The following MTM1 variants were observed in gnomAD, a reference collection of about 807,000 sequenced individuals.
The protein encoded by MTM1 is myotubularin.
In MTM1, 9 loss-of-function variants were observed where a neutral mutation model predicts 52.1. That is an observed-to-expected ratio of 0.17 (90% CI 0.10 to 0.30). The LOEUF (loss-of-function observed/expected upper bound fraction) is 0.30. Ranked by LOEUF, MTM1 falls within the 10% of genes least tolerant of loss-of-function variation. MTM1 has a pLI of 1.00. For synonymous variants in MTM1, 136 were observed against 163.8 expected (o/e 0.83, Z 1.29); for missense variants, 277 against 470.7 (o/e 0.59, Z 3.81).
intron 6 of MTM1, among the ~76,000 whole-genome samples, chrX:150,632,414 G>A (rs1206870680): frequency 8.9e-6 from 1 of 111,803 alleles, no homozygotes; most frequent in African/African-American, 3.3e-5. Context: ...GAGGAGGCTG[G>A]GTCAAAGATT....
intron 1 of MTM1, among the ~76,000 whole-genome samples, chrX:150,575,906 T>G (rs1331782016): frequency 9.0e-6 from 1 of 111,143 alleles, no homozygotes; most frequent in Non-Finnish European, 1.9e-5. Context: ...CAAACTCCTG[T>G]CCTCAAGCAA....
chrX:150,662,214 A>G (rs1284830464), intron 13 of MTM1, among the ~76,000 whole-genome samples: 1 of 112,515 alleles, frequency 8.9e-6, no homozygotes, highest in Admixed American at 9.4e-5. Flanking sequence ...ACAATGTGGT[A>G]TATAGATTTT....
intron 5 of MTM1, 29 bp from the exon 6 acceptor site, chrX:150,619,009 G>A (rs1557413206): frequency 1.9e-6 from 2 of 1,049,166 alleles, no homozygotes; most frequent in Non-Finnish European, 2.7e-6. Context: ...TTTGAAGACT[G>A]AACTGTCATA....
intron 6 of MTM1, among the ~76,000 whole-genome samples, chrX:150,624,361 A>AT (rs1325608050): frequency 2.3e-4 from 26 of 112,374 alleles, no homozygotes; most frequent in African/African-American, 8.4e-4. Context: ...TAAATGATAT[A>AT]TTTTAATAAA....
rs1257242383 is a variant in MTM1 at position 150,583,944 on chromosome X, T to C, written c.-10-8661T>C. ...AATATATATTAAATTAAAATATATATATTAAATATATGTTAAATATATAAA... is the reference window on the plus strand; with the variant it reads ...AATATATATTAAATTAAAATATATACATTAAATATATGTTAAATATATAAA... On this transcript the variant is annotated intron_variant, in intron 1 of 14. Transcript: ENST00000370396. Among the ~76,000 whole-genome samples the C allele has an allele frequency of 8.6e-5, 4 of 46,305 alleles. 1 individual carries two copies. Among genetic ancestry groups the C allele is most frequent in the African/African-American group, 2.5e-4 (4 of 15,939 alleles). The allele number at this position is 46,305 out of a possible 115,157, so 40.2% of individuals were successfully genotyped here. A position where few individuals can be genotyped will look rare whatever the true frequency, so the allele number is the denominator to read the frequency against.
At chrX:150,597,289 A>G (rs1398343325) in intron 3 of MTM1, among the ~76,000 whole-genome samples, 2 of 111,915 alleles carry the variant, frequency 1.8e-5, no homozygotes, top group Non-Finnish European at 3.8e-5. Flanking sequence ...AAATGGCTAA[A>G]ACCTCGTGCT....
chrX:150,658,324 A>G (rs1051414774), intron 11 of MTM1, among the ~76,000 whole-genome samples: 2 of 112,253 alleles, frequency 1.8e-5, no homozygotes, highest in Admixed American at 9.4e-5. Flanking sequence ...TAATATAGCT[A>G]TTAGAGTCAA....
chrX:150,652,636 CGTGT>C (rs781866918), intron 10 of MTM1, among the ~76,000 whole-genome samples: 20 of 75,886 alleles, frequency 2.6e-4, no homozygotes, highest in Non-Finnish European at 5.1e-4. Flanking sequence ...CATATATATA[CGTGT>C]GTGTGTGTAT....
Position 150,599,758 on chromosome X carries a change from T to A in MTM1, c.231+1072T>A, listed in dbSNP as rs1282752563. Among the ~76,000 whole-genome samples the A allele has an allele frequency of 2.7e-5, 3 of 111,793 alleles. No individual in the cohort carries two copies. The East Asian group carries it at 8.4e-4, about 31-fold the overall frequency. ...CTCTGGCACAGTGCTTGTAGGGACATGTACATGGATCAGGCCACAGGGCAT... is the reference window on the plus strand; with the variant it reads ...CTCTGGCACAGTGCTTGTAGGGACAAGTACATGGATCAGGCCACAGGGCAT... On this transcript the variant is annotated intron_variant, in intron 4 of 14. Coordinates refer to ENST00000370396, the MANE Select transcript of MTM1 (RefSeq NM_000252.3).
chrX:150,639,161 A>G (rs1557413792), intron 7 of MTM1, 135 bp downstream of exon 7: 34 of 572,395 alleles, frequency 5.9e-5, no homozygotes, highest in Non-Finnish European at 4.3e-5. Flanking sequence ...GATATTATCC[A>G]CATTTTGTAC....
chrX:150,615,502 A>G (rs1329786188), intron 5 of MTM1, among the ~76,000 whole-genome samples: 1 of 103,971 alleles, frequency 9.6e-6, no homozygotes, highest in Non-Finnish European at 2.0e-5. Flanking sequence ...AAAAAAAAAC[A>G]GTCTTAATTT....
chrX:150,610,542 T>G (rs1557412958), intron 4 of MTM1, among the ~76,000 whole-genome samples: 1 of 112,673 alleles, frequency 8.9e-6, no homozygotes, highest in Non-Finnish European at 1.9e-5. Context: ...TTGAAAATCC[T>G]TAAATATTTA....
At position 150,672,921 on chromosome X, in the gene MTM1, T is replaced by A. The variant is rs2040416184; in HGVS notation, c.*1326T>A. On this transcript the variant is annotated 3_prime_UTR_variant, in exon 15 of 15. Transcript: ENST00000370396. Reference sequence around the variant, plus strand: ...GGTCTACCAAGTAAGACATCTCAAATACAGTAGTATAATGTATGAATTTTG... The same window carrying A: ...GGTCTACCAAGTAAGACATCTCAAAAACAGTAGTATAATGTATGAATTTTG... The A allele has an allele frequency of 8.9e-6, 1 of 112,529 alleles. No individual in the cohort carries two copies. Among genetic ancestry groups the A allele is most frequent in the African/African-American group, 3.2e-5 (1 of 30,972 alleles). 9.3% of individuals were successfully genotyped at this position (112,529 alleles called of 1,213,427 possible). A position where few individuals can be genotyped will look rare whatever the true frequency, so the allele number is the denominator to read the frequency against.
chrX:150,580,431 A>G (rs1373875316), intron 1 of MTM1, among the ~76,000 whole-genome samples: 1 of 111,582 alleles, frequency 9.0e-6, no homozygotes, highest in Non-Finnish European at 1.9e-5. Flanking sequence ...CGAGATTCAC[A>G]TGTATCATTA....
intron 1 of MTM1, among the ~76,000 whole-genome samples, chrX:150,576,083 A>G (rs1037285332): frequency 8.9e-6 from 1 of 112,061 alleles, no homozygotes; most frequent in Non-Finnish European, 1.9e-5. Context: ...CAACAGGGTC[A>G]TGTTCTTTCT....
chrX:150,592,600 G>T lies in MTM1; in HGVS notation c.-10-5G>T. ...GTTGATATTGAATGTTGTGTTTCTT[G>T]GTAGAGTTTCCAGGATGGCTTCTGC... On this transcript the variant is annotated splice_region_variant and splice_polypyrimidine_tract_variant and intron_variant, in intron 1 of 14. Coordinates refer to ENST00000370396, the MANE Select transcript of MTM1 (RefSeq NM_000252.3). 3 of 1,179,472 alleles carry T rather than the reference G, an allele frequency of 2.5e-6. No homozygotes were observed. Among genetic ancestry groups the T allele is most frequent in the South Asian group, 1.8e-5 (1 of 56,291 alleles).
chrX:150,620,709 CGTTTA>C (rs1388943017), intron 6 of MTM1, among the ~76,000 whole-genome samples: 5 of 111,808 alleles, frequency 4.5e-5, no homozygotes, highest in African/African-American at 6.5e-5. Context: ...TTGATGGTTT[CGTTTA>C]GTTTAAAGTC....
intron 1 of MTM1, among the ~76,000 whole-genome samples, chrX:150,575,117 T>C (rs1557411596): frequency 8.9e-6 from 1 of 112,438 alleles, no homozygotes; most frequent in Non-Finnish European, 1.9e-5. Context: ...AAAGGCACCA[T>C]TGGTATATGT....
intron 1 of MTM1, among the ~76,000 whole-genome samples, chrX:150,573,125 A>G (rs1346320676): frequency 8.9e-6 from 1 of 112,835 alleles, no homozygotes; most frequent in Non-Finnish European, 1.9e-5. Context: ...TGAACTAGAC[A>G]AAGGAGGCCA....
Sources: gnomAD v4.1 joint callset for allele counts (sites outside exome capture counted in the v4.1 genomes callset) on GRCh38, gnomAD v4.1.1 for gene constraint, MANE v1.5 for transcripts, NCBI Gene and HGNC (gene_info 2026-07-23, HGNC 2026-07-21) for gene names.